The following CARHSP1 variants were observed in gnomAD, a reference collection of about 807,000 sequenced individuals.
CARHSP1 encodes calcium regulated heat stable protein 1.
Under a neutral mutation model 12.5 loss-of-function variants are expected in CARHSP1, and 14 were observed. The ratio of observed to expected loss-of-function variants is 1.12; its 90% CI spans 0.74 to 1.75. CARHSP1 has a LOEUF of 1.75. CARHSP1 is among the 40% of genes most tolerant of loss of function. The pLI is 0.00. For synonymous variants in CARHSP1, 161 were observed against 82.0 expected, an observed-to-expected ratio of 1.96 and a Z score of -5.20; for missense variants, 343 against 201.6, an observed-to-expected ratio of 1.70 and a Z score of -4.25.
At chr16:8,858,661 C>G (rs1170840184) in intron 2 of CARHSP1, 189 bp from the exon 3 acceptor site, 3 of 683,020 alleles carry the variant, frequency 4.4e-6, no homozygotes, top group East Asian at 2.8e-5. Context: ...GGAAAGGACT[C>G]TTTGGATGAC....
intron 1 of CARHSP1, among the ~76,000 whole-genome samples, chr16:8,863,831 C>G (rs1328306157): frequency 1.3e-5 from 2 of 152,288 alleles, no homozygotes; most frequent in African/African-American, 2.4e-5. Flanking sequence ...CTGCTGTGTC[C>G]CCTCCACAAT....
At chr16:8,863,752 T>C (rs749930965) in intron 1 of CARHSP1, among the ~76,000 whole-genome samples, 16 of 151,466 alleles carry the variant, frequency 1.1e-4, no homozygotes, top group Admixed American at 2.6e-4. Context: ...AAAGTCCAGC[T>C]GGAAAGAAAA....
chr16:8,862,703 C>T lies in CARHSP1; in HGVS notation c.-7-3368G>A, dbSNP rs115127753. Among the ~76,000 whole-genome samples the T allele has an allele frequency of 6.4e-3, 976 of 152,122 alleles. 10 individuals are homozygous for T. Among genetic ancestry groups the T allele is most frequent in the African/African-American group, 0.023 (946 of 41,478 alleles). On this transcript the variant is annotated intron_variant, in intron 1 of 3. Transcript: ENST00000311052. Reference sequence around the variant, plus strand: ...AGCCTGTGCAAAGGCCCTGAGGGCCCGGGTGGGACTGAGGCCAGTGGGGAA... The same window carrying T: ...AGCCTGTGCAAAGGCCCTGAGGGCCTGGGTGGGACTGAGGCCAGTGGGGAA...
Position 8,853,315 on chromosome 16 carries a change from A to T in CARHSP1, c.*1849T>A, listed in dbSNP as rs994482529. On this transcript the variant is annotated 3_prime_UTR_variant, in exon 4 of 4. Coordinates refer to ENST00000311052, the MANE Select transcript of CARHSP1 (RefSeq NM_014316.4). ...CAGCAGATGGGCCCTTGGGAAGCCAACAGGGAACAATTCAAGGCTGGAGAG... is the reference window on the plus strand; with the variant it reads ...CAGCAGATGGGCCCTTGGGAAGCCATCAGGGAACAATTCAAGGCTGGAGAG... 6.8e-6 allele frequency: 1 copy of T among 147,016 alleles called. No individual in the cohort carries two copies. Among genetic ancestry groups the T allele is most frequent in the African/African-American group, 2.6e-5 (1 of 38,814 alleles). 9.1% of individuals were successfully genotyped at this position (147,016 alleles called of 1,614,324 possible).
chr16:8,859,182 C>T lies in CARHSP1; in HGVS notation c.147G>A (p.Arg49=). 3.1e-6 allele frequency: 5 copies of T among 1,600,384 alleles called. No homozygotes were observed. Among genetic ancestry groups the T allele is most frequent in the Non-Finnish European group, 4.3e-6 (5 of 1,172,890 alleles). Residue 49 remains arginine (R), a synonymous_variant, in exon 2 of 4, where the codon AGG becomes AGA. Transcript: ENST00000311052. The part of the protein sequence containing the change: ...VPSPLPTRRT[R]TFSATVRASQ... ...TGCTCCAGACTCACGCCGAGAAGGT[C>T]CTCGTCCGGCGAGTGGGCAGTGGGC...
chr16:8,864,823 A>C (rs796305801), intron 1 of CARHSP1, among the ~76,000 whole-genome samples: 12 of 152,096 alleles, frequency 7.9e-5, no homozygotes, highest in African/African-American at 2.9e-4. Flanking sequence ...TAGCCTGGGA[A>C]TTTTCCGTAG....
rs537614451 is a variant in CARHSP1, at chr16:8,861,989, C to CTTTTTTT, written c.-7-2661_-7-2655dup. Among the ~76,000 whole-genome samples, 175 of 79,764 alleles carry CTTTTTTT rather than the reference C, an allele frequency of 2.2e-3. 11 individuals are homozygous for CTTTTTTT. Among genetic ancestry groups the CTTTTTTT allele is most frequent in the East Asian group, 0.016 (35 of 2,134 alleles). 52.3% of individuals were successfully genotyped at this position (79,764 alleles called of 152,430 possible). On this transcript the variant is annotated intron_variant, in intron 1 of 3. Transcript: ENST00000311052. ...TTCTCCTGGAGTCAAGCATAGCTGA[C>CTTTTTTT]TTTTTTTTTTTTTTTTTTTTTTTTT...
Position 8,857,286 on chromosome 16 carries a change from T to TTTTTTTG in CARHSP1, c.281+1063_281+1064insCAAAAAA, listed in dbSNP as rs2061162174. ...CTGTTTTTTTTTTTTTTTTTTTTTT[T>TTTTTTTG]TTTTTTTTTTTTTGAGATGGAGTTT... On this transcript the variant is annotated intron_variant, in intron 3 of 3. Coordinates refer to ENST00000311052, the MANE Select transcript of CARHSP1 (RefSeq NM_014316.4). Among the ~76,000 whole-genome samples, 10 of 125,476 alleles carry TTTTTTTG rather than the reference T, an allele frequency of 8.0e-5. 2 individuals are homozygous for TTTTTTTG. Among genetic ancestry groups the TTTTTTTG allele is most frequent in the African/African-American group, 3.0e-4 (10 of 33,128 alleles). The allele number at this position is 125,476 out of a possible 152,430, so 82.3% of individuals were successfully genotyped here.
At chr16:8,859,683 A>G (rs1390986715) in intron 1 of CARHSP1, 5 of 180,592 alleles carry the variant, frequency 2.8e-5, no homozygotes, top group East Asian at 1.4e-4. Flanking sequence ...TGAGCAGAAA[A>G]CCCAAAGCCA....
At chr16:8,860,117 T>G (rs1446772372) in intron 1 of CARHSP1, 1 of 985,058 alleles carries the variant, frequency 1.0e-6, no homozygotes, top group African/African-American at 1.7e-5. Flanking sequence ...TCACGCAGTG[T>G]CCGCCTCCAG....
chr16:8,857,263 G>GTTTTTTGTTTTTTGTTTTTTGTT (rs1315960023), intron 3 of CARHSP1, among the ~76,000 whole-genome samples: 1 of 57,006 alleles, frequency 1.8e-5, no homozygotes, highest in African/African-American at 5.6e-5. Flanking sequence ...GGGCAGATCT[G>GTTTTTTGTTTTTTGTTTTTTGTT]TTTTTTTTTT....
chr16:8,863,350 CGAT>C (rs1567189369), intron 1 of CARHSP1, among the ~76,000 whole-genome samples: 1 of 151,972 alleles, frequency 6.6e-6, no homozygotes, highest in African/African-American at 2.4e-5. Flanking sequence ...TGGGCTCAAG[CGAT>C]CGGCGCACCT....
At chr16:8,861,419 C>A (rs1243846114) in intron 1 of CARHSP1, among the ~76,000 whole-genome samples, 3 of 151,560 alleles carry the variant, frequency 2.0e-5, no homozygotes, top group Non-Finnish European at 4.4e-5. Context: ...TCAGTTTGCC[C>A]CCCCAGTCCC....
chr16:8,858,181 A>G, intron 3 of CARHSP1, 169 bp downstream of exon 3: 1 of 779,868 alleles, frequency 1.3e-6, no homozygotes, highest in Non-Finnish European at 2.0e-6. Context: ...ACCCCAACCC[A>G]ACACACACAC....
rs368130205 is a variant in CARHSP1, at chr16:8,859,250, G to A, written c.79C>T (p.Arg27Cys). The change falls in exon 2 of 4, where the codon CGT (arginine) becomes TGT (cysteine). Residue 27 changes from arginine to cysteine, a missense_variant. Physicochemically the swap from Arg to Cys is radical, Grantham distance 180 (BLOSUM62 -3). Transcript: ENST00000311052. Reference sequence around the variant, plus strand: ...CGCAGAGGGGATGGTGAGCGCTCACGGCTCCGAGGGGTGTCCAGCAGCCCG... The same window carrying A: ...CGCAGAGGGGATGGTGAGCGCTCACAGCTCCGAGGGGTGTCCAGCAGCCCG... ...SVGLLDTPRS[R>C]ERSPSPLRGN... The A allele has an allele frequency of 6.0e-5, 96 of 1,600,732 alleles. No homozygotes were observed. The highest frequency in any genetic ancestry group is 1.7e-4 in the African/African-American group (12 of 71,954).
At position 8,860,779 on chromosome 16, in the gene CARHSP1, G is replaced by A. The variant is rs551770553; in HGVS notation, c.-7-1444C>T. ...TAGATTTGAAGCATGGGCCAGGTGCGGTGGCTCACACCTGTAATCCCAGCA... is the reference window on the plus strand; with the variant it reads ...TAGATTTGAAGCATGGGCCAGGTGCAGTGGCTCACACCTGTAATCCCAGCA... On this transcript the variant is annotated intron_variant, in intron 1 of 3. Transcript: ENST00000311052. Among the ~76,000 whole-genome samples, 9 of 152,144 alleles carry A rather than the reference G, an allele frequency of 5.9e-5. No individual in the cohort carries two copies. In the South Asian group the frequency reaches 8.3e-4, roughly 14 times the overall value.
At chr16:8,865,003 C>G (rs78297536) in intron 1 of CARHSP1, among the ~76,000 whole-genome samples, 2 of 152,174 alleles carry the variant, frequency 1.3e-5, no homozygotes, top group Non-Finnish European at 2.9e-5. Context: ...ACCCACCACC[C>G]ACATCAATGG....
In CARHSP1 at chr16:8,860,467, T is replaced by C. The variant is rs2061317125; in HGVS notation, c.-7-1132A>G. On this transcript the variant is annotated intron_variant, in intron 1 of 3. Transcript: ENST00000311052. The stretch of plus-strand genomic sequence containing the variant: ...TCACTGAACATTGAATATGAAGGTG[T>C]CGGCTCTAACGTGGCCTCAGCTCGA... The C allele has an allele frequency of 3.0e-6, 3 of 985,352 alleles. 1 individual carries two copies. In the South Asian group the frequency reaches 1.4e-4, roughly 46 times the overall value. The allele number at this position is 985,352 out of a possible 1,614,324, so 61.0% of individuals were successfully genotyped here.
chr16:8,857,253 G>C (rs557092934), intron 3 of CARHSP1, among the ~76,000 whole-genome samples: 1 of 109,554 alleles, frequency 9.1e-6, no homozygotes, highest in South Asian at 3.5e-4. Context: ...ATGTGATCTT[G>C]GGCAGATCTG....
Sources: allele counts gnomAD v4.1 joint callset (sites outside exome capture counted in the v4.1 genomes callset), GRCh38; gene constraint gnomAD v4.1.1; transcripts MANE v1.5; gene names NCBI Gene and HGNC (gene_info 2026-07-23, HGNC 2026-07-21).